The following DCAF8 variants were observed in gnomAD, a reference collection of about 807,000 sequenced individuals.
DCAF8 encodes the protein DDB1 and CUL4 associated factor 8.
A neutral mutation model predicts 68.0 loss-of-function variants in DCAF8; 20 were observed. The ratio of observed to expected loss-of-function variants is 0.29; its 90% CI spans 0.21 to 0.43. The LOEUF (loss-of-function observed/expected upper bound fraction) is 0.43. Among genes scored for constraint, DCAF8 ranks in the 20% least tolerant of loss-of-function variants. DCAF8 has a pLI of 1.00. For synonymous variants in DCAF8, 230 were observed against 276.9 expected (o/e 0.83, Z 1.68); for missense variants, 460 against 771.0 (o/e 0.60, Z 4.78).
intron 2 of DCAF8, among the ~76,000 whole-genome samples, chr1:160,248,723 T>A (rs1328185248): frequency 4.7e-5 from 7 of 149,388 alleles, no homozygotes; most frequent in Admixed American, 2.0e-4. Flanking sequence ...AAAAAAAAAC[T>A]GTCACAACTA....
At chr1:160,253,731 T>C (rs1571113195) in intron 2 of DCAF8, among the ~76,000 whole-genome samples, 1 of 127,120 alleles carries the variant, frequency 7.9e-6, no homozygotes, top group Non-Finnish European at 1.6e-5. Context: ...GAGGCTGAAG[T>C]GGGAGGATCA....
chr1:160,231,679 T>C (rs539582342), intron 6 of DCAF8, among the ~76,000 whole-genome samples: 2 of 152,358 alleles, frequency 1.3e-5, no homozygotes, highest in Admixed American at 1.3e-4. Flanking sequence ...TAAAGGTATA[T>C]GAATGTACCA....
intron 7 of DCAF8, among the ~76,000 whole-genome samples, chr1:160,231,022 G>A (rs1389951564): frequency 6.6e-6 from 1 of 151,894 alleles, no homozygotes; most frequent in Non-Finnish European, 1.5e-5. Context: ...CCAAAGTGTC[G>A]AGATTACAGG....
At chr1:160,250,718 G>T (rs1656556182) in intron 2 of DCAF8, among the ~76,000 whole-genome samples, 1 of 152,066 alleles carries the variant, frequency 6.6e-6, no homozygotes, top group African/African-American at 2.4e-5. Context: ...CCATATTAAT[G>T]GCAAGATGAA....
chr1:160,258,134 C>G (rs1656912281), intron 2 of DCAF8, among the ~76,000 whole-genome samples: 1 of 152,060 alleles, frequency 6.6e-6, no homozygotes, highest in South Asian at 2.1e-4. Flanking sequence ...ATTGCTTGAG[C>G]CCAGGGGTTT....
intron 2 of DCAF8, among the ~76,000 whole-genome samples, chr1:160,248,183 C>A (rs140248185): frequency 6.6e-6 from 1 of 151,754 alleles, no homozygotes. Context: ...GGCACATGCC[C>A]GTAGTCCCTG....
At position 160,251,395 on chromosome 1, in the gene DCAF8, T is replaced by G. The variant is rs574711702; in HGVS notation, c.-26-7361A>C. ...TCATTTTAAGTTTATTTTACTTTTCTTAATATTTCTCCTTCACAAGAAACA... is the reference window on the plus strand; with the variant it reads ...TCATTTTAAGTTTATTTTACTTTTCGTAATATTTCTCCTTCACAAGAAACA... On this transcript the variant is annotated intron_variant, in intron 2 of 13. Coordinates refer to ENST00000368074, the MANE Select transcript of DCAF8 (RefSeq NM_015726.4). Among the ~76,000 whole-genome samples the G allele has an allele frequency of 2.0e-5, 3 of 152,356 alleles. No individual in the cohort carries two copies. The South Asian group carries it at 6.2e-4, about 32-fold the overall frequency.
Position 160,216,946 on chromosome 1 carries a change from A to G in DCAF8, c.*646T>C, listed in dbSNP as rs1655136962. ...ACCTATTTAGGGGGTGATGGGATGA[A>G]GAGAAGAGAGTGAAGGATATGTAAT... On this transcript the variant is annotated 3_prime_UTR_variant, in exon 14 of 14. Transcript: ENST00000368074. The G allele has an allele frequency of 6.6e-6, 1 of 152,530 alleles. No individual in the cohort carries two copies. Among genetic ancestry groups the G allele is most frequent in the Non-Finnish European group, 1.5e-5 (1 of 68,034 alleles). The allele number at this position is 152,530 out of a possible 1,614,324, so 9.4% of individuals were successfully genotyped here. A position where few individuals can be genotyped will look rare whatever the true frequency, so the allele number is the denominator to read the frequency against.
chr1:160,230,657 G>A (rs773252286), intron 7 of DCAF8, among the ~76,000 whole-genome samples: 2 of 152,148 alleles, frequency 1.3e-5, no homozygotes, highest in African/African-American at 2.4e-5. Context: ...ATTTACATAC[G>A]AAAAAGGTAG....
intron 7 of DCAF8, 58 bp from the exon 8 acceptor site, chr1:160,225,721 T>G (rs1276926623): frequency 7.9e-6 from 11 of 1,387,752 alleles, no homozygotes; most frequent in Non-Finnish European, 1.1e-5. Flanking sequence ...CTTGAAGAGC[T>G]GCAATTTGAT....
chr1:160,246,177 T>C (rs1159972129), intron 2 of DCAF8, among the ~76,000 whole-genome samples: 1 of 151,900 alleles, frequency 6.6e-6, no homozygotes, highest in Non-Finnish European at 1.5e-5. Flanking sequence ...TAAACTAAGG[T>C]AATAAGCAGA....
At chr1:160,230,161 TA>T (rs1465742312) in intron 7 of DCAF8, among the ~76,000 whole-genome samples, 1 of 152,236 alleles carries the variant, frequency 6.6e-6, no homozygotes, top group Non-Finnish European at 1.5e-5. Context: ...TCATCTCATG[TA>T]TTTTCTAAAA....
At chr1:160,233,864 T>C (rs1012830560) in intron 6 of DCAF8, among the ~76,000 whole-genome samples, 3 of 152,126 alleles carry the variant, frequency 2.0e-5, no homozygotes, top group African/African-American at 7.2e-5. Flanking sequence ...GCAGAGGTGC[T>C]ATAAAAATGA....
At chr1:160,260,937 C>A (rs1657064134) in intron 2 of DCAF8, among the ~76,000 whole-genome samples, 2 of 151,994 alleles carry the variant, frequency 1.3e-5, no homozygotes, top group African/African-American at 4.8e-5. Context: ...AGAACTCAGG[C>A]AAACTAAGTT....
intron 2 of DCAF8, among the ~76,000 whole-genome samples, chr1:160,246,692 T>C (rs1253684173): frequency 2.0e-5 from 3 of 151,756 alleles, no homozygotes; most frequent in Non-Finnish European, 4.4e-5. Flanking sequence ...CACTGAAAAA[T>C]CTTTTCCAGC....
intron 3 of DCAF8, among the ~76,000 whole-genome samples, chr1:160,241,817 G>C (rs1346080361): frequency 6.6e-6 from 1 of 152,186 alleles, no homozygotes; most frequent in African/African-American, 2.4e-5. Context: ...TTATTGCCTA[G>C]TCATGTGGAT....
At chr1:160,232,981 C>T (rs2101731289) in intron 6 of DCAF8, among the ~76,000 whole-genome samples, 1 of 152,154 alleles carries the variant, frequency 6.6e-6, no homozygotes, top group East Asian at 1.9e-4. Flanking sequence ...TTCAATTAGT[C>T]AAATATGACA....
Position 160,239,880 on chromosome 1 carries a change from C to T in DCAF8, c.540G>A (p.Val180=). ...VYEACGARVF[V]QRFRLQHGLE... is the part of the protein sequence containing the mutation. Reference sequence around the variant, plus strand: ...GCCCATGCTGCAGGCGGAAACGCTGCACAAAGACTCTTGCCCCACAGGCCT... The same window carrying T: ...GCCCATGCTGCAGGCGGAAACGCTGTACAAAGACTCTTGCCCCACAGGCCT... The change falls in exon 4 of 14, where the codon GTG becomes GTA. Residue 180 remains valine (V), a synonymous_variant. Transcript: ENST00000368074. 2 of 1,614,258 alleles carry T rather than the reference C, an allele frequency of 1.2e-6. No homozygotes were observed. The highest frequency in any genetic ancestry group is 1.7e-6 in the Non-Finnish European group (2 of 1,180,054).
Position 160,238,681 on chromosome 1 carries a change from C to T in DCAF8, c.790G>A (p.Val264Ile), listed in dbSNP as rs940261478. Residue 264 changes from valine to isoleucine, a missense_variant, in exon 5 of 14, where the codon GTA (valine) becomes ATA (isoleucine). By Grantham distance (29) the Val-to-Ile change is conservative (BLOSUM62 3). Coordinates refer to ENST00000368074, the MANE Select transcript of DCAF8 (RefSeq NM_015726.4). ...AMCARDGQVR[V>I]AELSATQCCK... The stretch of plus-strand genomic sequence containing the variant: ...CACTGTGTGGCAGACAGTTCTGCTA[C>T]TCGAACCTGCCCGTCACGGGCACAC... The T allele has an allele frequency of 3.1e-6, 5 of 1,613,844 alleles. No individual in the cohort carries two copies. In the Admixed American group the frequency reaches 8.3e-5, roughly 27 times the overall value.
Sources: gnomAD v4.1 joint callset for allele counts (sites outside exome capture counted in the v4.1 genomes callset) on GRCh38, gnomAD v4.1.1 for gene constraint, MANE v1.5 for transcripts, NCBI Gene and HGNC (gene_info 2026-07-23, HGNC 2026-07-21) for gene names.